Variants in LEPR observed in about 807,000 individuals in gnomAD.
The protein encoded by LEPR is OB receptor.
Under a neutral mutation model 114.7 loss-of-function variants are expected in LEPR, and 56 were observed. The observed-to-expected ratio is 0.49, with a 90% CI of 0.39 to 0.61. The LOEUF (loss-of-function observed/expected upper bound fraction) is 0.61, where lower values mean the gene tolerates loss of function less well. Ranked by LOEUF, LEPR falls within the 20% of genes least tolerant of loss-of-function variation. LEPR has a pLI of 0.00. For synonymous variants in LEPR, 443 were observed against 461.4 expected (o/e 0.96, Z 0.51); for missense variants, 1,202 against 1,352.9 (o/e 0.89, Z 1.75).
At position 65,636,744 on chromosome 1, in the gene LEPR, C is replaced by A; in HGVS notation, c.3227C>A (p.Ser1076Tyr). The change falls in exon 20 of 20, where the codon TCT becomes TAT. Residue 1076 changes from serine to tyrosine, a missense_variant. Coordinates refer to ENST00000349533, the MANE Select transcript of LEPR (RefSeq NM_002303.6). ...CCTGAAGAAAATAATGATAAAAAGT[C>A]TATCTATTATTTAGGGGTCACCTCA... Reference protein sequence around the residue: ...NFPEENNDKKSIYYLGVTSIK... With the variant: ...NFPEENNDKKYIYYLGVTSIK... 6.2e-7 allele frequency: 1 copy of A among 1,612,218 alleles called. No individual in the cohort carries two copies. Among genetic ancestry groups the A allele is most frequent in the Non-Finnish European group, 8.5e-7 (1 of 1,179,426 alleles).
chr1:65,606,602 C>T (rs1180994087), intron 11 of LEPR, among the ~76,000 whole-genome samples: 2 of 152,146 alleles, frequency 1.3e-5, no homozygotes, highest in South Asian at 2.1e-4. Context: ...GAGGGAATCA[C>T]GTAAACTATT....
intron 2 of LEPR, among the ~76,000 whole-genome samples, chr1:65,462,468 A>C (rs1048141385): frequency 6.6e-6 from 1 of 152,174 alleles, no homozygotes; most frequent in African/African-American, 2.4e-5. Context: ...ATACATGTGC[A>C]TGTGTCTTTG....
chr1:65,550,767 TC>T (rs1652261560), intron 2 of LEPR, among the ~76,000 whole-genome samples: 1 of 152,138 alleles, frequency 6.6e-6, no homozygotes, highest in Non-Finnish European at 1.5e-5. Context: ...CCCTTGCGCT[TC>T]CTGAGTGAGG....
chr1:65,623,188 C>CAA (rs1222292999), intron 19 of LEPR: 30 of 554,908 alleles, frequency 5.4e-5, no homozygotes, highest in Non-Finnish European at 9.2e-5. Context: ...CATAGTTTAT[C>CAA]GTATGAGAGT....
rs779329251 is a variant in LEPR, at chr1:65,636,975, A to G, written c.3458A>G (p.His1153Arg). 1.2e-6 allele frequency: 2 copies of G among 1,613,534 alleles called. No individual in the cohort carries two copies. Among genetic ancestry groups the G allele is most frequent in the East Asian group, 2.2e-5 (1 of 44,878 alleles). ...PQFQTCSTQT[H>R]KIMENKMCDL... The stretch of plus-strand genomic sequence containing the variant: ...TTCCAAACTTGTTCTACTCAGACTC[A>G]TAAGATCATGGAAAACAAGATGTGT... The change falls in exon 20 of 20, where the codon CAT (histidine) becomes CGT (arginine). Residue 1153 changes from histidine to arginine, a missense_variant. His to Arg is a conservative substitution (Grantham distance 29). Transcript: ENST00000349533.
intron 2 of LEPR, among the ~76,000 whole-genome samples, chr1:65,473,595 T>G (rs1352865654): frequency 6.6e-6 from 1 of 152,238 alleles, no homozygotes; most frequent in East Asian, 1.9e-4. Flanking sequence ...TAGGTAGATT[T>G]GACACCTGGT....
intron 2 of LEPR, among the ~76,000 whole-genome samples, chr1:65,503,755 T>C (rs912951451): frequency 1.2e-4 from 18 of 151,684 alleles, no homozygotes; most frequent in Non-Finnish European, 2.5e-4. Flanking sequence ...GACGTTTACA[T>C]ATAGAAATAT....
rs1557593271 is a variant in LEPR, at chr1:65,442,727, A to G, written c.-21+17349A>G. Among the ~76,000 whole-genome samples the G allele has an allele frequency of 2.6e-5, 4 of 152,352 alleles. No homozygotes were observed. The South Asian group carries it at 6.2e-4, about 24-fold the overall frequency. On this transcript the variant is annotated intron_variant, in intron 2 of 19. Transcript: ENST00000349533. ...ACTCAATAAAATATGATATACCTCA[A>G]TAAAAATAAAGCAATGCCTTCCCTG...
rs1200846632 is a variant in LEPR, at chr1:65,621,402, A to G, written c.2541A>G (p.Pro847=). ...ATGCAGGTTTATATGTAATTGTGCC[A>G]GTAATTATTTCCTCTTCCATCTTAT... The part of the protein sequence containing the change: ...QSDAGLYVIV[P]VIISSSILLL... The change falls in exon 18 of 20, where the codon CCA becomes CCG. Residue 847 remains proline, a synonymous_variant. Transcript: ENST00000349533. 3 of 1,613,368 alleles carry G rather than the reference A, an allele frequency of 1.9e-6. No individual in the cohort carries two copies. The highest frequency in any genetic ancestry group is 2.5e-6 in the Non-Finnish European group (3 of 1,179,672).
chr1:65,570,467 T>G lies in LEPR; in HGVS notation c.41-6T>G. Reference sequence around the variant, plus strand: ...TTTTCTATGTGTCTTTTTAATATCCTAACAGAATTTATTTATGTGATAACT... The same window carrying G: ...TTTTCTATGTGTCTTTTTAATATCCGAACAGAATTTATTTATGTGATAACT... On this transcript the variant is annotated splice_polypyrimidine_tract_variant and splice_region_variant and intron_variant, in intron 3 of 19. Transcript: ENST00000349533. 1 of 1,612,548 alleles carries G rather than the reference T, an allele frequency of 6.2e-7. No homozygotes were observed. Among genetic ancestry groups the G allele is most frequent in the Non-Finnish European group, 8.5e-7 (1 of 1,179,510 alleles).
chr1:65,621,295 G>C, intron 17 of LEPR, 58 bp from the exon 18 acceptor site: 2 of 1,462,232 alleles, frequency 1.4e-6, no homozygotes, highest in East Asian at 2.3e-5. Flanking sequence ...TTTTGATACA[G>C]AAAGAAATTA....
intron 2 of LEPR, among the ~76,000 whole-genome samples, chr1:65,546,221 T>C (rs919690648): frequency 6.6e-6 from 1 of 152,220 alleles, no homozygotes; most frequent in African/African-American, 2.4e-5. Context: ...CCTTGTAGTA[T>C]AGTTTGAAGT....
chr1:65,577,071 C>G, intron 5 of LEPR: 1 of 207,958 alleles, frequency 4.8e-6, no homozygotes. Flanking sequence ...GAATCCTCCA[C>G]GGACAACAGA....
intron 8 of LEPR, 148 bp downstream of exon 8, chr1:65,598,952 A>G: frequency 8.5e-7 from 1 of 1,179,662 alleles, no homozygotes; most frequent in Non-Finnish European, 1.2e-6. Flanking sequence ...GAACAGGCCA[A>G]TTTGTGAATT....
At chr1:65,428,074 G>A (rs1286082588) in intron 2 of LEPR, 1 of 153,886 alleles carries the variant, frequency 6.5e-6, no homozygotes, top group East Asian at 1.9e-4. Context: ...ATTATCTTTG[G>A]CAGAGTTGAG....
chr1:65,633,625 A>G lies in LEPR; in HGVS notation c.2674-2566A>G, dbSNP rs1030944033. On this transcript the variant is annotated intron_variant, in intron 19 of 19. Transcript: ENST00000349533. The surrounding 1 kb of genome is among the most constrained non-coding windows in gnomAD (Gnocchi z 4.1). ...TGATTATAAGTATGGAATCAGTGAA[A>G]ATATTTAGTTTGTATTTTTATGTCC... 1.0e-6 allele frequency: 1 copy of G among 983,680 alleles called. No homozygotes were observed. The highest frequency in any genetic ancestry group is 1.7e-5 in the African/African-American group (1 of 57,176). The allele number at this position is 983,680 out of a possible 1,614,324, so 60.9% of individuals were successfully genotyped here.
intron 2 of LEPR, among the ~76,000 whole-genome samples, chr1:65,438,281 G>A (rs1467566812): frequency 6.6e-6 from 1 of 152,062 alleles, no homozygotes; most frequent in African/African-American, 2.4e-5. Flanking sequence ...GCCGGGCACG[G>A]TGGCTCACGC....
intron 2 of LEPR, among the ~76,000 whole-genome samples, chr1:65,507,183 T>G (rs1439290837): frequency 1.3e-5 from 2 of 152,160 alleles, no homozygotes; most frequent in South Asian, 4.2e-4. Context: ...CCCAAGTAGC[T>G]GGGATTACAG....
rs141480757 is a variant in LEPR at position 65,493,646 on chromosome 1, G to T, written c.-21+68268G>T. 5.0e-3 allele frequency among the ~76,000 whole-genome samples: 761 copies of T among 152,166 alleles called. 6 individuals are homozygous for T. The highest frequency in any genetic ancestry group is 0.018 in the African/African-American group (730 of 41,532). ...CACATTGTTGTACAACCAATCTGCA[G>T]AACTTTTTTCATCTTGAGATCTTTC... On this transcript the variant is annotated intron_variant, in intron 2 of 19. Coordinates refer to ENST00000349533, the MANE Select transcript of LEPR (RefSeq NM_002303.6).
Sources: gnomAD v4.1 joint callset for allele counts (sites outside exome capture counted in the v4.1 genomes callset) on GRCh38, gnomAD v4.1.1 for gene constraint, Gnocchi (gnomAD v3.1) non-coding constraint, MANE v1.5 for transcripts, NCBI Gene and HGNC (gene_info 2026-07-23, HGNC 2026-07-21) for gene names.